Variants in NEXMIF observed in about 807,000 individuals in gnomAD.
NEXMIF encodes the protein XLMR protein related to neurite extension.
Under a neutral mutation model 62.1 loss-of-function variants are expected in NEXMIF, and 8 were observed. The ratio of observed to expected loss-of-function variants is 0.13; its 90% confidence interval spans 0.08 to 0.23. The LOEUF is 0.23. NEXMIF is among the 10% of genes least tolerant of loss of function. The pLI is 1.00. For synonymous variants in NEXMIF, 404 were observed against 416.6 expected (o/e 0.97, Z 0.37); for missense variants, 976 against 1,113.3 (o/e 0.88, Z 1.75).
At chrX:74,750,098 G>T (rs1174458146) in intron 1 of NEXMIF, among the ~76,000 whole-genome samples, 2 of 111,315 alleles carry the variant, frequency 1.8e-5, no homozygotes, top group African/African-American at 6.5e-5. Flanking sequence ...CAGAGGGGGG[G>T]AAGATAGGAA....
At chrX:74,837,134 GCA>G (rs2080459662) in intron 1 of NEXMIF, among the ~76,000 whole-genome samples, 1 of 105,723 alleles carries the variant, frequency 9.5e-6, no homozygotes, top group African/African-American at 3.3e-5. Flanking sequence ...TCCTGAAAGT[GCA>G]CAGACACTCT....
intron 1 of NEXMIF, among the ~76,000 whole-genome samples, chrX:74,864,420 T>C (rs996526203): frequency 1.8e-5 from 2 of 112,110 alleles, no homozygotes; most frequent in African/African-American, 6.5e-5. Context: ...CCAAACCACA[T>C]CTTGAATGTA....
At chrX:74,788,539 C>G (rs947353157) in intron 1 of NEXMIF, among the ~76,000 whole-genome samples, 9 of 111,059 alleles carry the variant, frequency 8.1e-5, no homozygotes, top group African/African-American at 2.9e-4. Context: ...GGCATTAGAA[C>G]CCAGGAATCA....
chrX:74,792,553 C>G (rs1455172158), intron 1 of NEXMIF, among the ~76,000 whole-genome samples: 1 of 96,423 alleles, frequency 1.0e-5, no homozygotes, highest in African/African-American at 3.8e-5. Flanking sequence ...TCTCGTTGAT[C>G]TGTCTAATGT....
chrX:74,747,971 C>T (rs1481248970), intron 1 of NEXMIF, among the ~76,000 whole-genome samples: 1 of 111,966 alleles, frequency 8.9e-6, no homozygotes, highest in Non-Finnish European at 1.9e-5. Flanking sequence ...CATATTAGTG[C>T]TGCTGTAACT....
intron 1 of NEXMIF, among the ~76,000 whole-genome samples, chrX:74,905,679 G>A (rs2080765437): frequency 9.1e-6 from 1 of 110,286 alleles, no homozygotes; most frequent in Non-Finnish European, 1.9e-5. Flanking sequence ...GCATCATGGC[G>A]GGTGCCTGTA....
chrX:74,880,843 T>A (rs1327113790), intron 1 of NEXMIF, among the ~76,000 whole-genome samples: 1 of 111,929 alleles, frequency 8.9e-6, no homozygotes, highest in Non-Finnish European at 1.9e-5. Context: ...TATACACTGC[T>A]CTCTCCTTAG....
At chrX:74,805,017 T>C (rs914091569) in intron 1 of NEXMIF, among the ~76,000 whole-genome samples, 4 of 112,253 alleles carry the variant, frequency 3.6e-5, no homozygotes, top group African/African-American at 1.3e-4. Context: ...CTTTCTGCTG[T>C]GATGGGGAAG....
rs1203449283 is a variant in NEXMIF, at chrX:74,741,088, A to T, written c.3469T>A (p.Ser1157Thr). The T allele has an allele frequency of 5.8e-6, 7 of 1,211,526 alleles. No individual in the cohort carries two copies. Among genetic ancestry groups the T allele is most frequent in the Non-Finnish European group, 7.8e-6 (7 of 895,398 alleles). The part of the protein sequence containing the change: ...VSLLQKNPCL[S>T]TFNDPSGQIS... ...TGACCAGATGGATCATTAAATGTTG[A>T]CAGGCAAGGGTTTTTTTGGAGCAGG... Residue 1157 changes from serine to threonine, a missense_variant, in exon 3 of 4, where the codon TCA becomes ACA. Coordinates refer to ENST00000055682, the MANE Select transcript of NEXMIF (RefSeq NM_001008537.3).
At chrX:74,907,720 C>G (rs1000775532) in intron 1 of NEXMIF, among the ~76,000 whole-genome samples, 1 of 111,522 alleles carries the variant, frequency 9.0e-6, no homozygotes, top group Non-Finnish European at 1.9e-5. Context: ...TTAGAAGGAG[C>G]TATAGGATGA....
intron 1 of NEXMIF, among the ~76,000 whole-genome samples, chrX:74,837,880 A>G (rs2080462295): frequency 8.9e-6 from 1 of 112,182 alleles, no homozygotes; most frequent in South Asian, 3.8e-4. Context: ...CTTATGAGAA[A>G]GGCGCAGTGA....
chrX:74,868,592 C>A (rs1222248120), intron 1 of NEXMIF, among the ~76,000 whole-genome samples: 6 of 84,671 alleles, frequency 7.1e-5, no homozygotes, highest in Non-Finnish European at 1.3e-4. Flanking sequence ...CACATGGACA[C>A]AGGGAGGGGA....
intron 1 of NEXMIF, among the ~76,000 whole-genome samples, chrX:74,833,832 T>C (rs2080446986): frequency 9.0e-6 from 1 of 111,286 alleles, no homozygotes; most frequent in Non-Finnish European, 1.9e-5. Flanking sequence ...ACTGATTACG[T>C]AAACAAACAA....
chrX:74,891,050 G>A (rs2080716240), intron 1 of NEXMIF, among the ~76,000 whole-genome samples: 1 of 111,915 alleles, frequency 8.9e-6, no homozygotes, highest in Non-Finnish European at 1.9e-5. Flanking sequence ...GGAGCGAGGA[G>A]GAGGTGAGAG....
At chrX:74,851,254 CT>C (rs1376924852) in intron 1 of NEXMIF, among the ~76,000 whole-genome samples, 1 of 110,889 alleles carries the variant, frequency 9.0e-6, no homozygotes, top group Non-Finnish European at 1.9e-5. Flanking sequence ...AATACTTGAC[CT>C]TCAGTGTTCC....
At chrX:74,837,828 TAAGA>T (rs1217350079) in intron 1 of NEXMIF, among the ~76,000 whole-genome samples, 1 of 111,489 alleles carries the variant, frequency 9.0e-6, no homozygotes, top group Non-Finnish European at 1.9e-5. Context: ...CAGATTCTTA[TAAGA>T]AAGAATAAAT....
chrX:74,791,722 A>G (rs2080283983), intron 1 of NEXMIF, among the ~76,000 whole-genome samples: 1 of 110,103 alleles, frequency 9.1e-6, no homozygotes, highest in Non-Finnish European at 1.9e-5. Context: ...GTATGTGACG[A>G]GGAATTTATC....
chrX:74,745,185 G>T (rs943858041), intron 2 of NEXMIF, among the ~76,000 whole-genome samples: 2 of 110,496 alleles, frequency 1.8e-5, no homozygotes, highest in Non-Finnish European at 3.8e-5. Context: ...GTTTCACCAT[G>T]TTGGCCAGTC....
chrX:74,864,314 A>G (rs890646706), intron 1 of NEXMIF, among the ~76,000 whole-genome samples: 1 of 112,088 alleles, frequency 8.9e-6, no homozygotes, highest in African/African-American at 3.2e-5. Context: ...ACATGATTCT[A>G]TATCTAGAAA....
Sources: allele counts gnomAD v4.1 joint callset (sites outside exome capture counted in the v4.1 genomes callset), GRCh38; gene constraint gnomAD v4.1.1; transcripts MANE v1.5; gene names NCBI Gene and HGNC (gene_info 2026-07-23, HGNC 2026-07-21).